PTPRG: variants seen among roughly 807,000 people sequenced by gnomAD.
PTPRG encodes protein tyrosine phosphatase receptor type G, also known as receptor-type tyrosine-protein phosphatase gamma.
A neutral mutation model predicts 165.3 loss-of-function variants in PTPRG; 102 were observed. That is an observed-to-expected ratio of 0.62 (90% CI 0.53 to 0.73). The LOEUF (loss-of-function observed/expected upper bound fraction) is 0.73. PTPRG is among the 30% of genes least tolerant of loss of function. The pLI is 0.00. For synonymous variants in PTPRG, 675 were observed against 669.5 expected, an observed-to-expected ratio of 1.01 and a Z score of -0.13; for missense variants, 1,866 against 1,861.4, an observed-to-expected ratio of 1.00 and a Z score of -0.05.
At chr3:61,619,476 T>G (rs1466327664) in intron 1 of PTPRG, among the ~76,000 whole-genome samples, 1 of 152,140 alleles carries the variant, frequency 6.6e-6, no homozygotes, top group Non-Finnish European at 1.5e-5. Flanking sequence ...AGGCCAGGCA[T>G]GCTGCTGGGC....
chr3:61,661,531 ATGAC>A (rs1415877228), intron 1 of PTPRG, among the ~76,000 whole-genome samples: 13 of 152,188 alleles, frequency 8.5e-5, no homozygotes, highest in Non-Finnish European at 2.9e-5. Flanking sequence ...TCTTTAGTGA[ATGAC>A]TGTACCTACG....
intron 5 of PTPRG, among the ~76,000 whole-genome samples, chr3:62,112,849 G>A (rs1702719606): frequency 6.6e-6 from 1 of 152,200 alleles, no homozygotes; most frequent in African/African-American, 2.4e-5. Context: ...TCAAACCTGA[G>A]GTGACTTCTC....
intron 4 of PTPRG, among the ~76,000 whole-genome samples, chr3:62,018,311 C>A (rs1202122678): frequency 6.6e-6 from 1 of 152,214 alleles, no homozygotes; most frequent in African/African-American, 2.4e-5. Context: ...TAAAAACCTT[C>A]AGCTGACAGT....
chr3:61,922,211 C>A (rs1430535430), intron 2 of PTPRG, among the ~76,000 whole-genome samples: 1 of 152,186 alleles, frequency 6.6e-6, no homozygotes, highest in Non-Finnish European at 1.5e-5. Context: ...GGACTTGATT[C>A]ATAGGTAAAA....
chr3:61,617,715 T>C (rs553939099), intron 1 of PTPRG, among the ~76,000 whole-genome samples: 2 of 152,216 alleles, frequency 1.3e-5, no homozygotes, highest in South Asian at 4.1e-4. Context: ...TTGGAAGAAG[T>C]TGGATTTTTA....
chr3:61,885,983 A>G (rs555054507), intron 2 of PTPRG, among the ~76,000 whole-genome samples: 31 of 151,802 alleles, frequency 2.0e-4, no homozygotes, highest in Non-Finnish European at 3.5e-4. Context: ...CCACAGGTAG[A>G]TGGAAGACAC....
chr3:61,680,291 G>A (rs1360146196), intron 1 of PTPRG, among the ~76,000 whole-genome samples: 1 of 152,068 alleles, frequency 6.6e-6, no homozygotes, highest in Non-Finnish European at 1.5e-5. Flanking sequence ...GGTAAGGAAA[G>A]TAGAGTGAGG....
rs1701064795 is a variant in PTPRG, at chr3:62,237,720, A to G, written c.2376-6087A>G. On this transcript the variant is annotated intron_variant, in intron 14 of 29. Transcript: ENST00000474889. The surrounding 1 kb of genome is among the most constrained non-coding windows in gnomAD (Gnocchi z 4.5). ...CTTCATGTGTCCCATGTGGGCTTTT[A>G]AGAAGCCATGCATACTTGCACATTG... 6.6e-6 allele frequency among the ~76,000 whole-genome samples: 1 copy of G among 152,218 alleles called. No individual in the cohort carries two copies. The highest frequency in any genetic ancestry group is 2.4e-5 in the African/African-American group (1 of 41,452).
chr3:61,990,833 T>A (rs890602436), intron 3 of PTPRG, among the ~76,000 whole-genome samples: 2 of 152,022 alleles, frequency 1.3e-5, no homozygotes, highest in Admixed American at 6.5e-5. Context: ...AGAGCCCTCA[T>A]GCTGGGCTAA....
At chr3:61,919,282 T>C (rs2039020001) in intron 2 of PTPRG, among the ~76,000 whole-genome samples, 1 of 152,168 alleles carries the variant, frequency 6.6e-6, no homozygotes, top group Non-Finnish European at 1.5e-5. Flanking sequence ...TCATGCACAG[T>C]TAAGTAGGGG....
intron 2 of PTPRG, among the ~76,000 whole-genome samples, chr3:61,888,495 T>C (rs979336458): frequency 1.1e-4 from 17 of 152,086 alleles, no homozygotes; most frequent in African/African-American, 4.1e-4. Context: ...TATGCGCGGC[T>C]AATTTTTTTG....
In PTPRG at chr3:62,293,949, T is replaced by A. The variant is rs1297502345; in HGVS notation, c.*642T>A. 6.6e-6 allele frequency: 1 copy of A among 152,568 alleles called. No individual in the cohort carries two copies. Among genetic ancestry groups the A allele is most frequent in the Non-Finnish European group, 1.5e-5 (1 of 68,004 alleles). The allele number at this position is 152,568 out of a possible 1,614,324, so 9.5% of individuals were successfully genotyped here. A position where few individuals can be genotyped will look rare whatever the true frequency, so the allele number is the denominator to read the frequency against. ...GCTTCATGTGAACATCCCTTATTAG[T>A]TACAAAGTTATATTCACAGTTTTTT... On this transcript the variant is annotated 3_prime_UTR_variant, in exon 30 of 30. Transcript: ENST00000474889.
At chr3:61,634,897 T>TG (rs2106938242) in intron 1 of PTPRG, among the ~76,000 whole-genome samples, 1 of 152,346 alleles carries the variant, frequency 6.6e-6, no homozygotes, top group South Asian at 2.1e-4. Context: ...AGTGAGCTGA[T>TG]TTCAAGCTGT....
At position 62,039,269 on chromosome 3, in the gene PTPRG, G is replaced by T. The variant is rs1286378876; in HGVS notation, c.519+35772G>T. ...GGTTTTTTTTTTTGGTTTTGTTTTT[G>T]TTTTTTTTTTTAAAGAGAAGTGTTG... is the stretch of plus-strand genomic sequence containing the variant. On this transcript the variant is annotated intron_variant, in intron 4 of 29. Transcript: ENST00000474889. Among the ~76,000 whole-genome samples the T allele has an allele frequency of 1.6e-4, 23 of 144,170 alleles. No homozygotes were observed. The East Asian group carries it at 3.1e-3, about 19-fold the overall frequency. 94.6% of individuals were successfully genotyped at this position (144,170 alleles called of 152,430 possible).
In PTPRG at chr3:62,273,001, A is replaced by T. The variant is rs1702115216; in HGVS notation, c.3238A>T (p.Ile1080Leu). The T allele has an allele frequency of 3.1e-6, 5 of 1,613,918 alleles. No individual in the cohort carries two copies. The highest frequency in any genetic ancestry group is 1.7e-4 in the Middle Eastern group (1 of 6,058). ...YIVIDSMLQQIKDKSTVNVLG... is the reference protein window; with the variant it reads ...YIVIDSMLQQLKDKSTVNVLG... ...TGTAATAGACAGCATGCTGCAACAG[A>T]TAAAAGACAAAAGCACAGTTAACGT... The change falls in exon 22 of 30, where the codon ATA (isoleucine) becomes TTA (leucine). Residue 1080 changes from isoleucine (I) to leucine (L), a missense_variant. Around this residue, in one of 3 missense-constraint regions of PTPRG, gnomAD observed 1,452 missense variants for 1,463.0 expected, o/e 0.99. Coordinates refer to ENST00000474889, the MANE Select transcript of PTPRG (RefSeq NM_002841.4). This position sits in a 1 kb window ranked among gnomAD's most constrained non-coding sequence, Gnocchi z 4.1.
chr3:62,169,587 A>G (rs1477147210), intron 8 of PTPRG, among the ~76,000 whole-genome samples: 1 of 152,084 alleles, frequency 6.6e-6, no homozygotes, highest in Non-Finnish European at 1.5e-5. Flanking sequence ...GAATTGGGTC[A>G]CAGAGCTCCG....
intron 2 of PTPRG, among the ~76,000 whole-genome samples, chr3:61,940,321 C>T (rs981939995): frequency 6.6e-6 from 1 of 152,148 alleles, no homozygotes; most frequent in Admixed American, 6.5e-5. Flanking sequence ...GAAAAATAAC[C>T]TTTCCTAGCA....
At chr3:61,998,839 G>A (rs1294940273) in intron 3 of PTPRG, among the ~76,000 whole-genome samples, 1 of 152,106 alleles carries the variant, frequency 6.6e-6, no homozygotes, top group Non-Finnish European at 1.5e-5. Context: ...TTTGCTCTTA[G>A]CCCATCTGTC....
chr3:62,122,792 C>CA (rs1161203356), intron 5 of PTPRG, among the ~76,000 whole-genome samples: 1 of 152,144 alleles, frequency 6.6e-6, no homozygotes, highest in African/African-American at 2.4e-5. Flanking sequence ...GAAACGGTGA[C>CA]ATAGCAGCTG....
Sources: gnomAD v4.1 joint callset for allele counts (sites outside exome capture counted in the v4.1 genomes callset) on GRCh38, gnomAD v4.1.1 for gene constraint, gnomAD v4.1.1 regional missense constraint, Gnocchi (gnomAD v3.1) non-coding constraint, MANE v1.5 for transcripts, NCBI Gene and HGNC (gene_info 2026-07-23, HGNC 2026-07-21) for gene names.